The following NUBPL variants were observed in gnomAD, a reference collection of about 807,000 sequenced individuals.
NUBPL encodes the protein iron-sulfur cluster transfer protein NUBPL.
A neutral mutation model predicts 45.7 loss-of-function variants in NUBPL; 31 were observed. That is an observed-to-expected ratio of 0.68 (90% CI 0.51 to 0.92). The LOEUF (loss-of-function observed/expected upper bound fraction) is 0.92. Among genes scored for constraint, NUBPL ranks in the 40% least tolerant of loss-of-function variants. NUBPL has a pLI of 0.00. For synonymous variants in NUBPL, 144 were observed against 140.9 expected, an observed-to-expected ratio of 1.02 and a Z score of -0.15; for missense variants, 401 against 398.7, an observed-to-expected ratio of 1.01 and a Z score of -0.05.
intron 4 of NUBPL, among the ~76,000 whole-genome samples, chr14:31,658,770 C>T (rs2036201866): frequency 6.6e-6 from 1 of 152,104 alleles, no homozygotes; most frequent in Admixed American, 6.5e-5. Flanking sequence ...CCTCGGCCTC[C>T]CAAAGTGCTG....
chr14:31,789,828 T>A (rs2039346314), intron 7 of NUBPL, among the ~76,000 whole-genome samples: 1 of 152,068 alleles, frequency 6.6e-6, no homozygotes, highest in African/African-American at 2.4e-5. Flanking sequence ...TTTTCTTTGA[T>A]AAGGCAGGCT....
chr14:31,829,879 C>T (rs12436193), intron 8 of NUBPL, among the ~76,000 whole-genome samples: 80,033 of 152,026 alleles, frequency 0.53, 22,767 homozygotes, highest in African/African-American at 0.76. Flanking sequence ...GCCAAATCCT[C>T]AATTATCTCA....
intron 8 of NUBPL, among the ~76,000 whole-genome samples, chr14:31,835,838 T>C (rs2040273213): frequency 6.6e-6 from 1 of 152,212 alleles, no homozygotes; most frequent in Non-Finnish European, 1.5e-5. Flanking sequence ...AACAAAGAAC[T>C]GAAAAGCAGT....
intron 2 of NUBPL, among the ~76,000 whole-genome samples, chr14:31,564,379 A>G (rs2033379768): frequency 6.6e-6 from 1 of 152,098 alleles, no homozygotes; most frequent in Non-Finnish European, 1.5e-5. Context: ...CTCCTGCAAT[A>G]TCAGCATTTA....
intron 8 of NUBPL, among the ~76,000 whole-genome samples, chr14:31,840,606 C>A (rs2040355411): frequency 6.9e-6 from 1 of 145,940 alleles, no homozygotes; most frequent in African/African-American, 2.5e-5. Context: ...AGAAAGAAAT[C>A]CTGTAATAAC....
At chr14:31,808,830 CT>C (rs1041740487) in intron 7 of NUBPL, among the ~76,000 whole-genome samples, 3 of 152,018 alleles carry the variant, frequency 2.0e-5, no homozygotes, top group Non-Finnish European at 4.4e-5. Context: ...GCATGAAGGG[CT>C]GTTGAATTTT....
At chr14:31,650,568 C>A (rs1021025690) in intron 4 of NUBPL, among the ~76,000 whole-genome samples, 1 of 152,100 alleles carries the variant, frequency 6.6e-6, no homozygotes, top group African/African-American at 2.4e-5. Context: ...GGATTACAGG[C>A]GTTAGTCACC....
chr14:31,768,626 C>A (rs2038955247), intron 6 of NUBPL, among the ~76,000 whole-genome samples: 2 of 152,136 alleles, frequency 1.3e-5, no homozygotes, highest in African/African-American at 4.8e-5. Flanking sequence ...CATTTCTCTG[C>A]AGAGCTCTTT....
chr14:31,695,345 C>CTTTTTTTTTTTTTTTTTTTTTTTTT (rs34395195), intron 6 of NUBPL, among the ~76,000 whole-genome samples: 1 of 140,206 alleles, frequency 7.1e-6, no homozygotes, highest in Non-Finnish European at 1.5e-5. Context: ...TGTAGTGTTC[C>CTTTTTTTTTTTTTTTTTTTTTTTTT]TTTTTTTTTT....
rs150190464 is a variant in NUBPL, at chr14:31,823,369, C to G, written c.608-3260C>G. 1.8e-3 allele frequency among the ~76,000 whole-genome samples: 279 copies of G among 152,002 alleles called. 1 individual carries two copies. Among genetic ancestry groups the G allele is most frequent in the African/African-American group, 6.4e-3 (264 of 41,522 alleles). ...GTGTAATGGTGATACAAATAGTAGA[C>G]AAAAAGTGTTTAAAACAGTAACATG... On this transcript the variant is annotated intron_variant, in intron 7 of 10. Transcript: ENST00000281081.
At chr14:31,850,283 G>A (rs986085020) in intron 10 of NUBPL, 82 bp downstream of exon 10, 20 of 1,066,758 alleles carry the variant, frequency 1.9e-5, no homozygotes, top group East Asian at 7.2e-5. Context: ...AAGATTAAGC[G>A]TTTATATTTG....
intron 6 of NUBPL, among the ~76,000 whole-genome samples, chr14:31,723,098 C>T (rs1310429984): frequency 6.6e-6 from 1 of 152,146 alleles, no homozygotes; most frequent in Non-Finnish European, 1.5e-5. Flanking sequence ...ATTCTTTAAT[C>T]CATCTTGAAC....
At chr14:31,630,827 A>C (rs2035321742) in intron 4 of NUBPL, among the ~76,000 whole-genome samples, 1 of 152,126 alleles carries the variant, frequency 6.6e-6, no homozygotes, top group South Asian at 2.1e-4. Flanking sequence ...AGCTGTGTGC[A>C]ATCTCTGGGA....
rs558591766 is a variant in NUBPL, at chr14:31,630,067, A to ATT, written c.382+30689_382+30690dup. Among the ~76,000 whole-genome samples, 22 of 152,334 alleles carry ATT rather than the reference A, an allele frequency of 1.4e-4. No individual in the cohort carries two copies. The South Asian group carries it at 4.4e-3, about 30-fold the overall frequency. On this transcript the variant is annotated intron_variant, in intron 4 of 10. Coordinates refer to ENST00000281081, the MANE Select transcript of NUBPL (RefSeq NM_025152.3). ...CCATAAATGTTAACTGCCTTTCTCTATTATTACAAATAATGAACAGCAACA... is the reference window on the plus strand; with the variant it reads ...CCATAAATGTTAACTGCCTTTCTCTATTTTATTACAAATAATGAACAGCAACA...
intron 7 of NUBPL, among the ~76,000 whole-genome samples, chr14:31,818,038 A>C (rs1403930599): frequency 1.3e-5 from 2 of 152,222 alleles, no homozygotes; most frequent in Non-Finnish European, 1.5e-5. Context: ...GATAAAGCAG[A>C]CTTTAAGCCA....
intron 4 of NUBPL, among the ~76,000 whole-genome samples, chr14:31,664,640 C>T (rs2036359895): frequency 6.6e-6 from 1 of 152,082 alleles, no homozygotes; most frequent in Non-Finnish European, 1.5e-5. Context: ...GGTGTGACAG[C>T]ATTTTATTGA....
At chr14:31,664,147 TGGGGG>T (rs2036345113) in intron 4 of NUBPL, among the ~76,000 whole-genome samples, 1 of 152,144 alleles carries the variant, frequency 6.6e-6, no homozygotes, top group Non-Finnish European at 1.5e-5. Flanking sequence ...ACTCAGACAA[TGGGGG>T]TTTTTTAAAT....
At chr14:31,732,610 T>G (rs11361540) in intron 6 of NUBPL, among the ~76,000 whole-genome samples, 5 of 1,002 alleles carry the variant, frequency 5.0e-3, no homozygotes, top group Non-Finnish European at 0.014. Flanking sequence ...ATTTGTTCTC[T>G]TTTTTTTTTT....
At chr14:31,846,332 G>A in intron 8 of NUBPL, 139 bp from the exon 9 acceptor site, 1 of 719,956 alleles carries the variant, frequency 1.4e-6, no homozygotes. Flanking sequence ...CTTCAGAGCA[G>A]AGGCCATAGT....
Sources: gnomAD v4.1 joint callset for allele counts (sites outside exome capture counted in the v4.1 genomes callset) on GRCh38, gnomAD v4.1.1 for gene constraint, MANE v1.5 for transcripts, NCBI Gene and HGNC (gene_info 2026-07-23, HGNC 2026-07-21) for gene names.